The following C17orf75 variants were observed in gnomAD, a reference collection of about 807,000 sequenced individuals.
C17orf75 encodes protein Njmu-R1.
C17orf75 carries 32 observed loss-of-function variants against 49.6 expected under a neutral mutation model. The observed-to-expected ratio is 0.65, with a 90% CI of 0.49 to 0.87. The LOEUF (loss-of-function observed/expected upper bound fraction) is 0.87, where lower values mean the gene tolerates loss of function less well. Ranked by LOEUF, C17orf75 falls within the 40% of genes least tolerant of loss-of-function variation. C17orf75 has a pLI of 0.00. For missense variants in C17orf75, 428 were observed against 473.9 expected, an observed-to-expected ratio of 0.90 and a Z score of 0.90; for synonymous variants, 158 against 159.5, an observed-to-expected ratio of 0.99 and a Z score of 0.07.
upstream of C17orf75, among the ~76,000 whole-genome samples, chr17:32,342,498 G>A (rs1203111893): frequency 2.6e-5 from 4 of 152,260 alleles, no homozygotes; most frequent in African/African-American, 7.2e-5. Flanking sequence ...ACAGACACCC[G>A]TTTGATCAAA....
At chr17:32,341,815 G>T (rs1048657989) in intron 1 of C17orf75, 185 bp downstream of exon 1, 7 of 1,064,336 alleles carry the variant, frequency 6.6e-6, no homozygotes, top group Non-Finnish European at 7.9e-6. Context: ...CCACGACGGG[G>T]GCCAGGAAGA....
At chr17:32,340,015 C>T in intron 2 of C17orf75, 77 bp from the exon 3 acceptor site, 2 of 1,542,622 alleles carry the variant, frequency 1.3e-6, no homozygotes, top group Non-Finnish European at 1.8e-6. Context: ...AGAATGGTAC[C>T]AACGCCAGGG....
In C17orf75 at chr17:32,341,204, C is replaced by T. The variant is rs766419219; in HGVS notation, c.221G>A (p.Ser74Asn). The part of the protein sequence containing the change: ...NAETPSGDDF[S>N]LSLADTNLPS... Reference sequence around the variant, plus strand: ...TGAATTATGCTGAAGCTCTTTTTACCTGAAATCATCACCAGAGGGAGTTTC... The same window carrying T: ...TGAATTATGCTGAAGCTCTTTTTACTTGAAATCATCACCAGAGGGAGTTTC... The change falls in exon 2 of 10, where the codon AGC (serine) becomes AAC (asparagine). Residue 74 changes from serine to asparagine, a missense_variant and splice_region_variant. Ser to Asn is a conservative substitution (Grantham distance 46). Coordinates refer to ENST00000577809, the MANE Select transcript of C17orf75 (RefSeq NM_022344.4). 16 of 1,613,844 alleles carry T rather than the reference C, an allele frequency of 9.9e-6. No individual in the cohort carries two copies. The highest frequency in any genetic ancestry group is 1.4e-5 in the Non-Finnish European group (16 of 1,179,818).
Position 32,342,141 on chromosome 17 carries a change from G to A in C17orf75, c.-2C>T, listed in dbSNP as rs777098859. 15 of 1,595,922 alleles carry A rather than the reference G, an allele frequency of 9.4e-6. No individual in the cohort carries two copies. The highest frequency in any genetic ancestry group is 1.2e-5 in the Non-Finnish European group (14 of 1,172,470). On this transcript the variant is annotated 5_prime_UTR_variant, in exon 1 of 10. Transcript: ENST00000577809. Reference sequence around the variant, plus strand: ...CGACTCCTGCAAAGAGGGGAGCATTGCGGCGGCCTCTGAGCGGCCCTGTGT... The same window carrying A: ...CGACTCCTGCAAAGAGGGGAGCATTACGGCGGCCTCTGAGCGGCCCTGTGT...
chr17:32,337,486 T>C (rs2041336975), intron 5 of C17orf75, among the ~76,000 whole-genome samples: 1 of 152,148 alleles, frequency 6.6e-6, no homozygotes, highest in Non-Finnish European at 1.5e-5. Context: ...TTCACCTCTC[T>C]ACTAGCTCAC....
At chr17:32,335,671 C>A (rs1271406086) in intron 5 of C17orf75, among the ~76,000 whole-genome samples, 1 of 152,128 alleles carries the variant, frequency 6.6e-6, no homozygotes, top group Non-Finnish European at 1.5e-5. Context: ...CCAAGAAATG[C>A]ATTCTATAAA....
At chr17:32,344,544 G>A (rs984875339), upstream of C17orf75, among the ~76,000 whole-genome samples, 1 of 150,366 alleles carries the variant, frequency 6.7e-6, no homozygotes, top group African/African-American at 2.5e-5. Context: ...ATGAACCTGG[G>A]AGGCAGAGTG....
upstream of C17orf75, among the ~76,000 whole-genome samples, chr17:32,346,143 C>T (rs1597741245): frequency 6.6e-6 from 1 of 152,204 alleles, no homozygotes; most frequent in East Asian, 1.9e-4. Context: ...ACGAGAGGCA[C>T]AGCATGGTGG....
chr17:32,344,219 G>T, upstream of C17orf75: 1 of 404,554 alleles, frequency 2.5e-6, no homozygotes, highest in Non-Finnish European at 4.5e-6. Context: ...GGCTGGTCTT[G>T]AACTCCTGGG....
chr17:32,340,075 G>T (rs2041364358), intron 2 of C17orf75, 137 bp from the exon 3 acceptor site: 6 of 976,866 alleles, frequency 6.1e-6, no homozygotes, highest in Non-Finnish European at 8.9e-6. Context: ...TATTGGTGAG[G>T]CTTCTAGGAA....
Position 32,331,451 on chromosome 17 carries a change from G to C in C17orf75, c.*312C>G, listed in dbSNP as rs1250982906. ...GTTGCTAAATACTGCAGCAAACTCA[G>C]GCTTTTCCTGAGAAAAGCCACAAAC... On this transcript the variant is annotated 3_prime_UTR_variant, in exon 10 of 10. Coordinates refer to ENST00000577809, the MANE Select transcript of C17orf75 (RefSeq NM_022344.4). The C allele has an allele frequency of 3.6e-6, 1 of 275,818 alleles. No homozygotes were observed. The highest frequency in any genetic ancestry group is 2.2e-5 in the African/African-American group (1 of 45,432). 17.1% of individuals were successfully genotyped at this position (275,818 alleles called of 1,614,324 possible). A position where few individuals can be genotyped will look rare whatever the true frequency, so the allele number is the denominator to read the frequency against.
intron 9 of C17orf75, among the ~76,000 whole-genome samples, chr17:32,332,845 T>C (rs2041289741): frequency 1.3e-5 from 2 of 152,102 alleles, no homozygotes; most frequent in Admixed American, 1.3e-4. Flanking sequence ...AGTCTCACTC[T>C]GTCACCTAGG....
upstream of C17orf75, among the ~76,000 whole-genome samples, chr17:32,342,588 AC>A (rs1212624235): frequency 6.6e-6 from 1 of 152,254 alleles, no homozygotes; most frequent in African/African-American, 2.4e-5. Flanking sequence ...GTCTTTCCAA[AC>A]ATAACAAAAC....
intron 1 of C17orf75, among the ~76,000 whole-genome samples, chr17:32,348,934 C>T (rs939637438): frequency 1.5e-5 from 2 of 132,842 alleles, no homozygotes; most frequent in East Asian, 2.1e-4. Context: ...GGCGAGATCT[C>T]GGCTCACTGC....
At position 32,338,227 on chromosome 17, in the gene C17orf75, A is replaced by G. The variant is rs897662991; in HGVS notation, c.472T>C (p.Ser158Pro). The G allele has an allele frequency of 6.2e-7, 1 of 1,611,164 alleles. No homozygotes were observed. Residue 158 changes from serine to proline, a missense_variant, in exon 4 of 10, where the codon TCT (serine) becomes CCT (proline). Coordinates refer to ENST00000577809, the MANE Select transcript of C17orf75 (RefSeq NM_022344.4). ...SEYVVCFLGG[S>P]EKGLELFRLE... ...GGATATAGCTCAAGTCCTTTTTCAG[A>G]CCCTCCTAAAAAACAGACCACATAT...
chr17:32,349,989 C>G lies in C17orf75; in HGVS notation c.-54G>C, dbSNP rs149688022. On this transcript the variant is annotated 5_prime_UTR_variant, in exon 1 of 9. Coordinates refer to the C17orf75 transcript ENST00000583774. The stretch of plus-strand genomic sequence containing the variant: ...AATGAAACCCAAAGTGCTCCGCAAG[C>G]ACAGCCAGCGAAAGCGAAAAACTCT... 49 of 1,274,274 alleles carry G rather than the reference C, an allele frequency of 3.8e-5. No homozygotes were observed. The East Asian group carries it at 1.7e-3, about 43-fold the overall frequency. 78.9% of individuals were successfully genotyped at this position (1,274,274 alleles called of 1,614,324 possible). A position where few individuals can be genotyped will look rare whatever the true frequency, so the allele number is the denominator to read the frequency against.
Position 32,331,226 on chromosome 17 carries a change from T to C in C17orf75, c.*537A>G, listed in dbSNP as rs1180619908. The C allele has an allele frequency of 1.3e-5, 2 of 152,676 alleles. No homozygotes were observed. The highest frequency in any genetic ancestry group is 1.9e-4 in the East Asian group (1 of 5,206). The allele number at this position is 152,676 out of a possible 1,614,324, so 9.5% of individuals were successfully genotyped here. On this transcript the variant is annotated 3_prime_UTR_variant, in exon 10 of 10. Transcript: ENST00000577809. ...ATTTTCTACATACTCAGGATTTGCA[T>C]ATTGACTTAAAATCTGACTTTATCA...
Position 32,333,447 on chromosome 17 carries a change from GA to G in C17orf75, c.944del (p.Phe315SerfsTer10). ...GTTTAAAGTTCTCCAGTACTTGTCG[GA>G]AAAGAAAAGGGTTACCTCCTTTGGC... is the stretch of plus-strand genomic sequence containing the variant. ...NGAKGGNPFLFRQVLENFKLK... is the reference protein window; with the variant it reads ...NGAKGGNPFLXRQVLENFKLK... On this transcript the variant is annotated frameshift_variant, in exon 9 of 10. Coordinates refer to ENST00000577809, the MANE Select transcript of C17orf75 (RefSeq NM_022344.4). LOFTEE classifies it high-confidence loss of function. 1 of 1,612,944 alleles carries G rather than the reference GA, an allele frequency of 6.2e-7. No individual in the cohort carries two copies. The highest frequency in any genetic ancestry group is 8.5e-7 in the Non-Finnish European group (1 of 1,179,598).
At chr17:32,341,142 A>G in intron 2 of C17orf75, 62 bp downstream of exon 2, 1 of 1,540,462 alleles carries the variant, frequency 6.5e-7, no homozygotes, top group African/African-American at 1.4e-5. Flanking sequence ...ACTGACATGT[A>G]CAGGCCAGAG....
Sources: gnomAD v4.1 joint callset for allele counts (sites outside exome capture counted in the v4.1 genomes callset) on GRCh38, gnomAD v4.1.1 for gene constraint, MANE v1.5 for transcripts, NCBI Gene and HGNC (gene_info 2026-07-23, HGNC 2026-07-21) for gene names.